MYLK2: variants seen among roughly 807,000 people sequenced by gnomAD.
MYLK2 encodes the protein myosin light chain kinase 2.
In MYLK2, 27 loss-of-function variants were observed where a neutral mutation model predicts 58.2. The ratio of observed to expected loss-of-function variants is 0.46; its 90% CI spans 0.34 to 0.64. The LOEUF is 0.64. Among genes scored for constraint, MYLK2 ranks in the 30% least tolerant of loss-of-function variants. The pLI, the probability that MYLK2 is intolerant of heterozygous loss-of-function variation, is 0.01. For synonymous variants in MYLK2, 310 were observed against 296.7 expected (o/e 1.04, Z -0.46); for missense variants, 676 against 764.3 (o/e 0.88, Z 1.36).
Position 31,822,948 on chromosome 20 carries a change from CT to C in MYLK2, c.773-527del, listed in dbSNP as rs1386813444. ...GATGACCGCCTGCCGGCCTGCCAGC[CT>C]TCAGGGCGAGCGGTTCCCCACACTT... On this transcript the variant is annotated intron_variant, in intron 4 of 12. Transcript: ENST00000375985. Among the ~76,000 whole-genome samples the C allele has an allele frequency of 3.3e-5, 5 of 152,338 alleles. No individual in the cohort carries two copies. The East Asian group carries it at 9.7e-4, about 29-fold the overall frequency.
intron 6 of MYLK2, among the ~76,000 whole-genome samples, chr20:31,825,845 A>G (rs1018478900): frequency 6.6e-6 from 1 of 152,218 alleles, no homozygotes; most frequent in Non-Finnish European, 1.5e-5. Context: ...TATTCCTATT[A>G]TAGCCGATAT....
intron 5 of MYLK2, 21 bp from the exon 6 acceptor site, chr20:31,824,234 CACTT>C (rs746560535): frequency 6.8e-6 from 11 of 1,609,352 alleles, no homozygotes; most frequent in Middle Eastern, 3.3e-4. Context: ...GGGGTCCCCT[CACTT>C]ACAGCCTCTT....
chr20:31,833,669 C>A (rs747528076), intron 12 of MYLK2, 48 bp from the exon 13 acceptor site: 1 of 1,523,374 alleles, frequency 6.6e-7, no homozygotes, highest in Admixed American at 1.7e-5. Context: ...CCTGCAGCTG[C>A]CCCCCTGCCC....
chr20:31,819,435 C>T lies in MYLK2; in HGVS notation c.-49+7C>T. ...TTGCCCCTCTTTGCTCCAGGTACCT[C>T]TCTCCCCTCAGTTAGCAGGCCTCGG... On this transcript the variant is annotated splice_region_variant and intron_variant, in intron 1 of 12. Transcript: ENST00000375985. 1 of 1,115,262 alleles carries T rather than the reference C, an allele frequency of 9.0e-7. No homozygotes were observed. The highest frequency in any genetic ancestry group is 1.3e-6 in the Non-Finnish European group (1 of 756,762). 69.1% of individuals were successfully genotyped at this position (1,115,262 alleles called of 1,614,324 possible).
chr20:31,821,323 TATTACACCATGC>T, intron 3 of MYLK2, 104 bp from the exon 4 acceptor site: 1 of 1,226,642 alleles, frequency 8.2e-7, no homozygotes, highest in Non-Finnish European at 1.2e-6. Flanking sequence ...AATTTGGCTG[TATTACACCATGC>T]ATTTGGGGTG....
At chr20:31,823,203 C>G (rs1398532308) in intron 4 of MYLK2, among the ~76,000 whole-genome samples, 1 of 152,242 alleles carries the variant, frequency 6.6e-6, no homozygotes, top group Non-Finnish European at 1.5e-5. Context: ...GTCCTTGTGT[C>G]TTATAATGCA....
At position 31,821,669 on chromosome 20, in the gene MYLK2, C is replaced by T. The variant is rs770237487; in HGVS notation, c.704C>T (p.Ser235Leu). ...GGGATTGAGTTCCAGGCTGTTCCCT[C>T]AGAGAAATCCGAGGTGGGGCAGGCC... ...SRGIEFQAVPSEKSEVGQALC... is the reference protein window; with the variant it reads ...SRGIEFQAVPLEKSEVGQALC... Residue 235 changes from serine to leucine, a missense_variant, in exon 4 of 13, where the codon TCA becomes TTA. This residue lies in a region of MYLK2 where 306 missense variants were observed against 296.5 expected (regional missense o/e 1.03). Coordinates refer to ENST00000375985, the MANE Select transcript of MYLK2 (RefSeq NM_033118.4). 13 of 1,613,458 alleles carry T rather than the reference C, an allele frequency of 8.1e-6. No individual in the cohort carries two copies. The East Asian group carries it at 2.2e-4, about 28-fold the overall frequency.
In MYLK2 at chr20:31,821,424, G is replaced by T. The variant is rs1318533877; in HGVS notation, c.474-15G>T. ...TGGCCGCTGAGGGCTTCACCTCTGT[G>T]TTCTCACCTTCTAGTTCTGAGAAGC... On this transcript the variant is annotated splice_polypyrimidine_tract_variant and intron_variant, in intron 3 of 12. Transcript: ENST00000375985. 12 of 1,612,650 alleles carry T rather than the reference G, an allele frequency of 7.4e-6. No homozygotes were observed. Among genetic ancestry groups the T allele is most frequent in the Non-Finnish European group, 1.0e-5 (12 of 1,180,036 alleles).
In MYLK2 at chr20:31,833,906, G is replaced by C; in HGVS notation, c.*109G>C. 1 of 1,033,974 alleles carries C rather than the reference G, an allele frequency of 9.7e-7. No homozygotes were observed. Among genetic ancestry groups the C allele is most frequent in the Non-Finnish European group, 1.5e-6 (1 of 686,310 alleles). 64.0% of individuals were successfully genotyped at this position (1,033,974 alleles called of 1,614,324 possible). A position where few individuals can be genotyped will look rare whatever the true frequency, so the allele number is the denominator to read the frequency against. ...CCAGATCCCCAGGGCAGCCTCGTTA[G>C]GACAAGGCTGTGCCAGGCTGGGAGG... On this transcript the variant is annotated 3_prime_UTR_variant, in exon 13 of 13. Coordinates refer to ENST00000375985, the MANE Select transcript of MYLK2 (RefSeq NM_033118.4).
Position 31,831,111 on chromosome 20 carries a change from T to C in MYLK2, c.1394T>C (p.Met465Thr), listed in dbSNP as rs1320878497. ...NYDQISDKTDMWSMGVITYML... is the reference protein window; with the variant it reads ...NYDQISDKTDTWSMGVITYML... ...GACCAAATCTCCGATAAGACAGACATGTGGAGTATGGGGGTGATCACCTAC... is the reference window on the plus strand; with the variant it reads ...GACCAAATCTCCGATAAGACAGACACGTGGAGTATGGGGGTGATCACCTAC... Residue 465 changes from methionine (M) to threonine (T), a missense_variant, in exon 10 of 13, where the codon ATG (methionine) becomes ACG (threonine). This residue lies in a region of MYLK2 where 370 missense variants were observed against 467.8 expected (regional missense o/e 0.79). Transcript: ENST00000375985. 3 of 1,613,730 alleles carry C rather than the reference T, an allele frequency of 1.9e-6. No individual in the cohort carries two copies. Among genetic ancestry groups the C allele is most frequent in the South Asian group, 2.2e-5 (2 of 91,074 alleles).
intron 8 of MYLK2, chr20:31,827,266 G>A (rs2062285697): frequency 2.0e-6 from 2 of 985,312 alleles, no homozygotes; most frequent in African/African-American, 1.7e-5. Context: ...TGGCTAATAA[G>A]TGTTGCAATA....
Position 31,821,781 on chromosome 20 carries a change from G to T in MYLK2, c.772+44G>T, listed in dbSNP as rs35574032. On this transcript the variant is annotated intron_variant, in intron 4 of 12. Coordinates refer to ENST00000375985, the MANE Select transcript of MYLK2 (RefSeq NM_033118.4). ...GGGGCTGGGGCTGCCCTGGGGCCAG[G>T]GGGAGGGAAGGGGGCTGTCAGTCCC... is the stretch of plus-strand genomic sequence containing the variant. 63 of 1,529,610 alleles carry T rather than the reference G, an allele frequency of 4.1e-5. No homozygotes were observed. In the South Asian group the frequency reaches 5.0e-4, roughly 12 times the overall value. 94.8% of individuals were successfully genotyped at this position (1,529,610 alleles called of 1,614,324 possible).
chr20:31,820,685 C>G (rs1167399189), intron 3 of MYLK2, 139 bp downstream of exon 3: 1 of 1,118,480 alleles, frequency 8.9e-7, no homozygotes, highest in African/African-American at 1.5e-5. Flanking sequence ...TTTCCTCTGT[C>G]CTGTGAATTG....
At chr20:31,824,823 T>A (rs1038284153) in intron 6 of MYLK2, among the ~76,000 whole-genome samples, 7 of 152,174 alleles carry the variant, frequency 4.6e-5, no homozygotes, top group Non-Finnish European at 1.0e-4. Context: ...AATGAAAGGA[T>A]GCAGGCAGGT....
intron 6 of MYLK2, among the ~76,000 whole-genome samples, chr20:31,826,160 T>C (rs1295011365): frequency 1.3e-5 from 2 of 152,140 alleles, no homozygotes; most frequent in Non-Finnish European, 2.9e-5. Context: ...AGGTCTAATT[T>C]TGGACATGAT....
In MYLK2 at chr20:31,820,240, C is replaced by T. The variant is rs751084569; in HGVS notation, c.167C>T (p.Ala56Val). 7.4e-6 allele frequency: 12 copies of T among 1,613,964 alleles called. No individual in the cohort carries two copies. The South Asian group carries it at 7.7e-5, about 10-fold the overall frequency. ...DPPTLKKDAK[A>V]PASEKGDGTL... The stretch of plus-strand genomic sequence containing the variant: ...CCCACCCTGAAGAAAGATGCCAAAG[C>T]CCCTGCCTCAGAGAAAGGGGATGGT... Residue 56 changes from alanine (A) to valine (V), a missense_variant, in exon 3 of 13, where the codon GCC becomes GTC. Physicochemically the swap from Ala to Val is moderately conservative, Grantham distance 64. This residue lies in a region of MYLK2 where 306 missense variants were observed against 296.5 expected (regional missense o/e 1.03). Transcript: ENST00000375985.
rs933648705 is a variant in MYLK2, at chr20:31,831,269, TGGG to T, written c.1424+130_1424+132del. 4.2e-5 allele frequency: 60 copies of T among 1,425,664 alleles called. No homozygotes were observed. The East Asian group carries it at 6.4e-4, about 15-fold the overall frequency. 88.3% of individuals were successfully genotyped at this position (1,425,664 alleles called of 1,614,324 possible). ...CCCTATCCCTCAGTCAGGGGTTTGC[TGGG>T]GTTGGGAGTGCTAGGGAGAACAGGA... On this transcript the variant is annotated intron_variant, in intron 10 of 12. Transcript: ENST00000375985.
At chr20:31,822,697 T>C (rs1470321446) in intron 4 of MYLK2, among the ~76,000 whole-genome samples, 3 of 152,024 alleles carry the variant, frequency 2.0e-5, no homozygotes, top group African/African-American at 7.2e-5. Flanking sequence ...CCCGCCAGCC[T>C]GCCTGGTGAG....
At position 31,833,974 on chromosome 20, in the gene MYLK2, T is replaced by C. The variant is rs550662845; in HGVS notation, c.*177T>C. On this transcript the variant is annotated 3_prime_UTR_variant, in exon 13 of 13. Transcript: ENST00000375985. ...CCCCATGCAGTGACCGCTTCCCCGATGTGAGCCGCCTCGGAGTGTGGCCTG... is the reference window on the plus strand; with the variant it reads ...CCCCATGCAGTGACCGCTTCCCCGACGTGAGCCGCCTCGGAGTGTGGCCTG... The C allele has an allele frequency of 3.2e-6, 2 of 622,888 alleles. No individual in the cohort carries two copies. The highest frequency in any genetic ancestry group is 5.5e-5 in the East Asian group (2 of 36,194). 38.6% of individuals were successfully genotyped at this position (622,888 alleles called of 1,614,324 possible).
Sources: gnomAD v4.1 joint callset for allele counts (sites outside exome capture counted in the v4.1 genomes callset) on GRCh38, gnomAD v4.1.1 for gene constraint, gnomAD v4.1.1 regional missense constraint, MANE v1.5 for transcripts, NCBI Gene and HGNC (gene_info 2026-07-23, HGNC 2026-07-21) for gene names.